The following SH2D2A variants were observed in gnomAD, a reference collection of about 807,000 sequenced individuals.
SH2D2A encodes SH2 domain-containing protein 2A.
In SH2D2A, 33 loss-of-function variants were observed where a neutral mutation model predicts 43.6. That is an observed-to-expected ratio of 0.76 (90% CI 0.57 to 1.01). SH2D2A has a LOEUF of 1.01. Among genes scored for constraint, SH2D2A ranks in the 50% least tolerant of loss-of-function variants. SH2D2A has a pLI of 0.00. For missense variants in SH2D2A, 491 were observed against 503.1 expected, an observed-to-expected ratio of 0.98 and a Z score of 0.23; for synonymous variants, 212 against 206.1, an observed-to-expected ratio of 1.03 and a Z score of -0.25.
chr1:156,810,667 CCCA>C (rs56337633), intron 5 of SH2D2A, among the ~76,000 whole-genome samples: 196 of 152,112 alleles, frequency 1.3e-3, no homozygotes, highest in Non-Finnish European at 2.0e-3. Flanking sequence ...ATTACAGGCG[CCCA>C]CCACCACACC....
rs776529369 is a variant in SH2D2A, at chr1:156,814,365, C to T, written c.309-71G>A. On this transcript the variant is annotated intron_variant, in intron 3 of 8. Coordinates refer to ENST00000368199, the MANE Select transcript of SH2D2A (RefSeq NM_003975.4). ...CAGCCTCGCCTCTGTCTCCCCGGCT[C>T]TCACGAGGAACCCCTACCCCCAAGC... The T allele has an allele frequency of 1.3e-5, 20 of 1,562,778 alleles. No homozygotes were observed. In the East Asian group the frequency reaches 3.6e-4, roughly 28 times the overall value.
Position 156,815,152 on chromosome 1 carries a change from C to T in SH2D2A, c.193G>A (p.Glu65Lys). 6.2e-7 allele frequency: 1 copy of T among 1,605,924 alleles called. No individual in the cohort carries two copies. Among genetic ancestry groups the T allele is most frequent in the Non-Finnish European group, 8.5e-7 (1 of 1,176,500 alleles). The change falls in exon 3 of 9, where the codon GAA (glutamate) becomes AAA (lysine). Residue 65 changes from glutamate to lysine, a missense_variant. Glu to Lys is a moderately conservative substitution (Grantham distance 56). Transcript: ENST00000368199. ...NAERAEEVPG[E>K]GSLFLQAETR... is the part of the protein sequence containing the mutation. ...TCGGCCTGCAGGAACAGGCTTCCTT[C>T]TCCAGGCACCTCCTCTGCCCTCTCA...
rs1241577926 is a variant in SH2D2A at position 156,815,230 on chromosome 1, G to A, written c.124-9C>T. On this transcript the variant is annotated splice_polypyrimidine_tract_variant and intron_variant, in intron 2 of 8. Coordinates refer to ENST00000368199, the MANE Select transcript of SH2D2A (RefSeq NM_003975.4). Reference sequence around the variant, plus strand: ...GGGGCCTGGGGAGATGCCTGGATCAGGGAAGAGTTCAAGGAGGGGGAAGCA... The same window carrying A: ...GGGGCCTGGGGAGATGCCTGGATCAAGGAAGAGTTCAAGGAGGGGGAAGCA... 1.3e-6 allele frequency: 2 copies of A among 1,492,068 alleles called. No homozygotes were observed. Among genetic ancestry groups the A allele is most frequent in the Non-Finnish European group, 1.8e-6 (2 of 1,116,226 alleles). 92.4% of individuals were successfully genotyped at this position (1,492,068 alleles called of 1,614,324 possible).
chr1:156,810,420 T>C (rs1450230084), intron 5 of SH2D2A, among the ~76,000 whole-genome samples: 1 of 152,228 alleles, frequency 6.6e-6, no homozygotes, highest in East Asian at 1.9e-4. Flanking sequence ...CAACATGGCT[T>C]TACACGTCTT....
chr1:156,815,479 CTG>C, intron 2 of SH2D2A: 1 of 586,730 alleles, frequency 1.7e-6, no homozygotes, highest in Non-Finnish European at 3.0e-6. Context: ...AGCTGTCACA[CTG>C]TGCTCTAGGA....
chr1:156,810,718 T>C (rs1024848333), intron 5 of SH2D2A, among the ~76,000 whole-genome samples: 6 of 152,130 alleles, frequency 3.9e-5, no homozygotes, highest in African/African-American at 1.4e-4. Context: ...GATGGAGTTT[T>C]GCCACGTTGG....
chr1:156,809,679 C>T lies in SH2D2A; in HGVS notation c.696G>A (p.Glu232=). The change falls in exon 6 of 9, where the codon GAG becomes GAA. Residue 232 remains glutamate, a synonymous_variant. Transcript: ENST00000368199. The surrounding 1 kb of genome is among the most constrained non-coding windows in gnomAD (Gnocchi z 4.8). Reference sequence around the variant, plus strand: ...CCAATACCTCCTTCTCCCCGGCCCCCTCTTTCTGCATCGGGACTGGGGCTT... The same window carrying T: ...CCAATACCTCCTTCTCCCCGGCCCCTTCTTTCTGCATCGGGACTGGGGCTT... The part of the protein sequence containing the change: ...QGQAPVPMQK[E]GAGEKEPSQL... 1 of 1,611,924 alleles carries T rather than the reference C, an allele frequency of 6.2e-7. No homozygotes were observed. The highest frequency in any genetic ancestry group is 8.5e-7 in the Non-Finnish European group (1 of 1,179,372).
In SH2D2A at chr1:156,809,348, G is replaced by T. The variant is rs766716096; in HGVS notation, c.857C>A (p.Pro286His). Reference protein sequence around the residue: ...SNPIYNEPDEPIAFYAMGRGS... With the variant: ...SNPIYNEPDEHIAFYAMGRGS... ...CCGGCCCATGGCATAGAAAGCTATG[G>T]GTTCATCAGGCTCATTGTAGATAGG... Residue 286 changes from proline to histidine, a missense_variant, in exon 7 of 9, where the codon CCC (proline) becomes CAC (histidine). Pro to His is a moderately conservative substitution (Grantham distance 77). Transcript: ENST00000368199. This position sits in a 1 kb window ranked among gnomAD's most constrained non-coding sequence, Gnocchi z 4.8. 2 of 1,614,168 alleles carry T rather than the reference G, an allele frequency of 1.2e-6. No individual in the cohort carries two copies. The highest frequency in any genetic ancestry group is 2.2e-5 in the South Asian group (2 of 91,076).
chr1:156,816,569 G>T, intron 1 of SH2D2A, 106 bp downstream of exon 1: 1 of 1,260,796 alleles, frequency 7.9e-7, no homozygotes, highest in Non-Finnish European at 1.1e-6. Context: ...CTGGCTTAGG[G>T]TGGGGCCCCT....
rs377330685 is a variant in SH2D2A at position 156,815,073 on chromosome 1, G to T, written c.272C>A (p.Ala91Glu). 37 of 1,600,610 alleles carry T rather than the reference G, an allele frequency of 2.3e-5. No individual in the cohort carries two copies. In the African/African-American group the frequency reaches 4.7e-4, roughly 20 times the overall value. ...TQAHWLLQHG[A>E]APAWFHGFIT... ...GAAGCCATGGAACCAGGCAGGGGCT[G>T]CCCCGTGCTGCAGGAGCCAGTGGGC... is the stretch of plus-strand genomic sequence containing the variant. The change falls in exon 3 of 9, where the codon GCA becomes GAA. Residue 91 changes from alanine (A) to glutamate (E), a missense_variant. Physicochemically the swap from Ala to Glu is moderately radical, Grantham distance 107. Coordinates refer to ENST00000368199, the MANE Select transcript of SH2D2A (RefSeq NM_003975.4).
rs371471681 is a variant in SH2D2A at position 156,809,332 on chromosome 1, G to A, written c.873C>T (p.Ala291=). The change falls in exon 7 of 9, where the codon GCC becomes GCT. Residue 291 remains alanine (A), a synonymous_variant. Transcript: ENST00000368199. This position sits in a 1 kb window ranked among gnomAD's most constrained non-coding sequence, Gnocchi z 4.8. The stretch of plus-strand genomic sequence containing the variant: ...CTTCCCCAGGGCTGCCCCGGCCCAT[G>A]GCATAGAAAGCTATGGGTTCATCAG... ...NEPDEPIAFY[A]MGRGSPGEAP... 11 of 1,614,036 alleles carry A rather than the reference G, an allele frequency of 6.8e-6. No homozygotes were observed. The highest frequency in any genetic ancestry group is 9.3e-6 in the Non-Finnish European group (11 of 1,180,018).
Position 156,810,666 on chromosome 1 carries a change from G to A in SH2D2A, c.568-859C>T, listed in dbSNP as rs539029602. On this transcript the variant is annotated intron_variant, in intron 5 of 8. Coordinates refer to ENST00000368199, the MANE Select transcript of SH2D2A (RefSeq NM_003975.4). ...CTCCCAAGTAGCTAAGATTACAGGC[G>A]CCCACCACCACACCCAGCTAATGTT... Among the ~76,000 whole-genome samples, 11 of 152,014 alleles carry A rather than the reference G, an allele frequency of 7.2e-5. No individual in the cohort carries two copies. The South Asian group carries it at 2.3e-3, about 32-fold the overall frequency.
Position 156,813,864 on chromosome 1 carries a change from T to C in SH2D2A, c.551A>G (p.Glu184Gly). Residue 184 changes from glutamate (E) to glycine (G), a missense_variant, in exon 5 of 9, where the codon GAG becomes GGG. Glu to Gly is a moderately conservative substitution (Grantham distance 98). Transcript: ENST00000368199. ...PLSPYGETLT[E>G]PLARQTPEPA... is the part of the protein sequence containing the mutation. The stretch of plus-strand genomic sequence containing the variant: ...GGCGCGTACCTGTCGGGCGAGGGGC[T>C]CGGTGAGCGTCTCCCCGTAGGGGCT... 6.7e-7 allele frequency: 1 copy of C among 1,502,244 alleles called. No individual in the cohort carries two copies. The highest frequency in any genetic ancestry group is 8.9e-7 in the Non-Finnish European group (1 of 1,126,454). The allele number at this position is 1,502,244 out of a possible 1,614,324, so 93.1% of individuals were successfully genotyped here. A position where few individuals can be genotyped will look rare whatever the true frequency, so the allele number is the denominator to read the frequency against.
In SH2D2A at chr1:156,814,156, C is replaced by T. The variant is rs201570844; in HGVS notation, c.398+49G>A. On this transcript the variant is annotated intron_variant, in intron 4 of 8. Coordinates refer to ENST00000368199, the MANE Select transcript of SH2D2A (RefSeq NM_003975.4). ...CACGGGATCAGACCCAAGCCCCGCC[C>T]CTCCCGAGCCCCGCCTTGTGTCGCC... The T allele has an allele frequency of 1.6e-4, 264 of 1,608,802 alleles. No individual in the cohort carries two copies. In the East Asian group the frequency reaches 5.9e-3, roughly 36 times the overall value.
In SH2D2A at chr1:156,809,507, G is replaced by A. The variant is rs201190662; in HGVS notation, c.715-17C>T. The A allele has an allele frequency of 1.6e-3, 2,477 of 1,584,904 alleles. 3 individuals carry two copies. Among genetic ancestry groups the A allele is most frequent in the Non-Finnish European group, 2.0e-3 (2,337 of 1,165,394 alleles). ...CTGGGAGGGCTGGGAGAGAAGGTGA[G>A]GCCAGGGAGGAGTGGGGTGAGGGAG... On this transcript the variant is annotated splice_polypyrimidine_tract_variant and intron_variant, in intron 6 of 8. Transcript: ENST00000368199. The surrounding 1 kb of genome is among the most constrained non-coding windows in gnomAD (Gnocchi z 4.8).
chr1:156,816,144 T>C (rs768297022), intron 1 of SH2D2A, 50 bp from the exon 2 acceptor site: 1 of 1,561,160 alleles, frequency 6.4e-7, no homozygotes, highest in Non-Finnish European at 8.7e-7. Context: ...GAACTATGTC[T>C]GTCTCTGCCT....
intron 8 of SH2D2A, among the ~76,000 whole-genome samples, chr1:156,806,835 C>T (rs1257090581): frequency 2.0e-5 from 3 of 152,212 alleles, no homozygotes; most frequent in African/African-American, 7.2e-5. Flanking sequence ...AGTGAGGGAG[C>T]TGAATTTGAT....
rs529950735 is a variant in SH2D2A at position 156,815,973 on chromosome 1, T to G, written c.123+33A>C. ...GGGAGGGTGGGAGAGATGAGGGAGC[T>G]GCACCACGCTGCCGCCCCAGGTTTC... On this transcript the variant is annotated intron_variant, in intron 2 of 8. Transcript: ENST00000368199. The G allele has an allele frequency of 3.1e-6, 5 of 1,610,132 alleles. No individual in the cohort carries two copies. In the South Asian group the frequency reaches 4.4e-5, roughly 14 times the overall value.
chr1:156,814,379 C>T, intron 3 of SH2D2A, 85 bp from the exon 4 acceptor site: 2 of 1,544,486 alleles, frequency 1.3e-6, no homozygotes, highest in Non-Finnish European at 1.7e-6. Flanking sequence ...CGAGGAACCC[C>T]TACCCCCAAG....
Sources: gnomAD v4.1 joint callset for allele counts (sites outside exome capture counted in the v4.1 genomes callset) on GRCh38, gnomAD v4.1.1 for gene constraint, Gnocchi (gnomAD v3.1) non-coding constraint, MANE v1.5 for transcripts, NCBI Gene and HGNC (gene_info 2026-07-23, HGNC 2026-07-21) for gene names.